The following MEI4 variants were observed in gnomAD, a reference collection of about 807,000 sequenced individuals.
MEI4 encodes meiotic double-stranded break formation protein 4, also known as meiosis-specific protein MEI4.
Under a neutral mutation model 31.4 loss-of-function variants are expected in MEI4, and 27 were observed. The ratio of observed to expected loss-of-function variants is 0.86; its 90% CI spans 0.63 to 1.19. MEI4 has a LOEUF of 1.19. Among genes scored for constraint, MEI4 ranks in the 50% most tolerant of loss-of-function variants. The pLI, the probability that MEI4 is intolerant of heterozygous loss-of-function variation, is 0.00. For synonymous variants in MEI4, 122 were observed against 145.4 expected, an observed-to-expected ratio of 0.84 and a Z score of 1.16; for missense variants, 329 against 398.9, an observed-to-expected ratio of 0.82 and a Z score of 1.49.
In MEI4 at chr6:77,700,037, C is replaced by T. The variant is rs568814623; in HGVS notation, c.232+9134C>T. 2.7e-3 allele frequency among the ~76,000 whole-genome samples: 406 copies of T among 152,278 alleles called. 2 individuals carry two copies. The highest frequency in any genetic ancestry group is 8.8e-3 in the African/African-American group (365 of 41,564). On this transcript the variant is annotated intron_variant, in intron 2 of 4. Coordinates refer to ENST00000684080, the MANE Select transcript of MEI4 (RefSeq NM_001322247.2). ...GGGTGCCTCCCAGTTAGGCTTCTCG[C>T]GGGTCAGGGACCCACTTGAGGAGGC...
At chr6:77,883,080 C>A (rs1392001599) in intron 4 of MEI4, among the ~76,000 whole-genome samples, 2 of 151,892 alleles carry the variant, frequency 1.3e-5, no homozygotes, top group Non-Finnish European at 2.9e-5. Flanking sequence ...ATTAATTGAT[C>A]CATCTCACAA....
intron 3 of MEI4, among the ~76,000 whole-genome samples, chr6:77,775,682 T>C (rs1768421019): frequency 6.6e-6 from 1 of 152,140 alleles, no homozygotes; most frequent in Non-Finnish European, 1.5e-5. Context: ...GTGACTTTTA[T>C]TGTGACTTCT....
intron 3 of MEI4, among the ~76,000 whole-genome samples, chr6:77,808,929 A>G (rs902290695): frequency 6.6e-6 from 1 of 152,152 alleles, no homozygotes; most frequent in African/African-American, 2.4e-5. Context: ...AATGTGGGCC[A>G]TTCTATGAAG....
intron 1 of MEI4, among the ~76,000 whole-genome samples, chr6:77,680,242 G>T (rs139645364): frequency 6.6e-6 from 1 of 151,010 alleles, no homozygotes; most frequent in African/African-American, 2.4e-5. Flanking sequence ...TCGCACCACC[G>T]CACTCTAGCC....
At chr6:77,829,795 TG>T in intron 4 of MEI4, among the ~76,000 whole-genome samples, 1 of 152,158 alleles carries the variant, frequency 6.6e-6, no homozygotes. Context: ...TAGGTAGAAA[TG>T]TCTTGGTAAA....
chr6:77,774,043 A>G (rs1768380173), intron 3 of MEI4, among the ~76,000 whole-genome samples: 1 of 152,142 alleles, frequency 6.6e-6, no homozygotes, highest in Non-Finnish European at 1.5e-5. Context: ...GGAGAAAAAA[A>G]GACCCTTGTA....
chr6:77,803,373 C>G (rs1213442236), intron 3 of MEI4, among the ~76,000 whole-genome samples: 1 of 152,104 alleles, frequency 6.6e-6, no homozygotes, highest in Non-Finnish European at 1.5e-5. Flanking sequence ...AGTCATTGGT[C>G]TAATTTTTTT....
At chr6:77,797,653 A>G (rs1033947018) in intron 3 of MEI4, among the ~76,000 whole-genome samples, 2 of 152,156 alleles carry the variant, frequency 1.3e-5, no homozygotes, top group African/African-American at 2.4e-5. Context: ...CTGTTGTCCA[A>G]GGGTAGGAGG....
intron 2 of MEI4, among the ~76,000 whole-genome samples, chr6:77,735,481 T>G (rs1256125727): frequency 6.6e-6 from 1 of 152,184 alleles, no homozygotes; most frequent in Admixed American, 6.5e-5. Context: ...GTTTTCAGCT[T>G]CATCAGGTCC....
chr6:77,919,840 A>G (rs1398301648), intron 4 of MEI4, among the ~76,000 whole-genome samples: 1 of 150,108 alleles, frequency 6.7e-6, no homozygotes, highest in Admixed American at 6.7e-5. Context: ...CCACAGAAAT[A>G]CAAACTACCA....
chr6:77,865,394 G>A (rs1770996537), intron 4 of MEI4, among the ~76,000 whole-genome samples: 1 of 152,128 alleles, frequency 6.6e-6, no homozygotes, highest in African/African-American at 2.4e-5. Context: ...TGATAAAGGT[G>A]ATATCACCGG....
At chr6:77,841,706 G>A (rs1041606310) in intron 4 of MEI4, among the ~76,000 whole-genome samples, 4 of 152,018 alleles carry the variant, frequency 2.6e-5, no homozygotes, top group Non-Finnish European at 4.4e-5. Context: ...AATAATTAAA[G>A]TGGAAGCTAA....
At chr6:77,868,460 C>A (rs2063598) in intron 4 of MEI4, among the ~76,000 whole-genome samples, 111,650 of 134,886 alleles carry the variant, frequency 0.83, 46,564 homozygotes, top group East Asian at 0.95. Context: ...CAACAGTATC[C>A]ATATTTAATG....
At chr6:77,669,631 CAT>C (rs1315706531) in intron 1 of MEI4, among the ~76,000 whole-genome samples, 5 of 152,244 alleles carry the variant, frequency 3.3e-5, no homozygotes, top group South Asian at 2.1e-4. Flanking sequence ...CAAATTTTCA[CAT>C]GTTTTACATA....
At chr6:77,881,578 G>A (rs537838997) in intron 4 of MEI4, among the ~76,000 whole-genome samples, 15 of 152,252 alleles carry the variant, frequency 9.9e-5, no homozygotes, top group African/African-American at 3.4e-4. Context: ...TTGCATCTGG[G>A]TTTTAATGGA....
intron 4 of MEI4, among the ~76,000 whole-genome samples, chr6:77,910,355 C>T (rs1581972233): frequency 6.6e-6 from 1 of 152,162 alleles, no homozygotes; most frequent in Non-Finnish European, 1.5e-5. Context: ...GCAACTTCAG[C>T]AAAGTCTCAA....
intron 4 of MEI4, among the ~76,000 whole-genome samples, chr6:77,885,454 A>C (rs1020352714): frequency 3.3e-5 from 5 of 152,084 alleles, no homozygotes; most frequent in African/African-American, 1.2e-4. Context: ...AGCCTCCCAA[A>C]GTGCTGAGAT....
Position 77,757,545 on chromosome 6 carries a change from T to C in MEI4, c.233-3585T>C, listed in dbSNP as rs138306523. Among the ~76,000 whole-genome samples, 213 of 152,364 alleles carry C rather than the reference T, an allele frequency of 1.4e-3. 1 individual carries two copies. The highest frequency in any genetic ancestry group is 4.5e-3 in the African/African-American group (187 of 41,592). On this transcript the variant is annotated intron_variant, in intron 2 of 4. Coordinates refer to ENST00000684080, the MANE Select transcript of MEI4 (RefSeq NM_001322247.2). ...TGAAGGGGATGAGATGGAGTGGATG[T>C]GGCTTGCCAAAAGGCATGGCAGTGA...
chr6:77,786,599 T>C (rs1217724330), intron 3 of MEI4, among the ~76,000 whole-genome samples: 1 of 152,036 alleles, frequency 6.6e-6, no homozygotes, highest in East Asian at 1.9e-4. Context: ...TAATAAGGCT[T>C]AGAAGGGGAG....
Sources: allele counts gnomAD v4.1 joint callset (sites outside exome capture counted in the v4.1 genomes callset), GRCh38; gene constraint gnomAD v4.1.1; transcripts MANE v1.5; gene names NCBI Gene and HGNC (gene_info 2026-07-23, HGNC 2026-07-21).